The following CAGE1 variants were observed in gnomAD, a reference collection of about 807,000 sequenced individuals.
The protein encoded by CAGE1 is cancer antigen 1.
A neutral mutation model predicts 94.9 loss-of-function variants in CAGE1; 66 were observed. The observed-to-expected ratio is 0.70, with a 90% CI of 0.57 to 0.85. The LOEUF is 0.85. Ranked by LOEUF, CAGE1 falls within the 40% of genes least tolerant of loss-of-function variation. CAGE1 has a pLI of 0.00. For missense variants in CAGE1, 865 were observed against 950.4 expected, an observed-to-expected ratio of 0.91 and a Z score of 1.18; for synonymous variants, 319 against 321.0, an observed-to-expected ratio of 0.99 and a Z score of 0.07.
intron 12 of CAGE1, among the ~76,000 whole-genome samples, chr6:7,333,437 G>A (rs1184024658): frequency 6.6e-6 from 1 of 151,948 alleles, no homozygotes; most frequent in Non-Finnish European, 1.5e-5. Context: ...AATCTTTATA[G>A]TTTCTTCCTT....
chr6:7,382,590 C>T (rs1265404707), intron 3 of CAGE1, among the ~76,000 whole-genome samples: 2 of 150,890 alleles, frequency 1.3e-5, no homozygotes, highest in Admixed American at 1.3e-4. Context: ...TATGAGCTAC[C>T]GTGCCCAGCC....
chr6:7,359,087 C>T lies in CAGE1; in HGVS notation c.2194-2958G>A, dbSNP rs577446083. Reference sequence around the variant, plus strand: ...TTGAAACGGAGTTTCGCTCTTGTTGCCCAGGCTGGAGTGCAATGGCACAAT... The same window carrying T: ...TTGAAACGGAGTTTCGCTCTTGTTGTCCAGGCTGGAGTGCAATGGCACAAT... On this transcript the variant is annotated intron_variant, in intron 9 of 13. Transcript: ENST00000502583. Among the ~76,000 whole-genome samples the T allele has an allele frequency of 2.0e-5, 3 of 151,934 alleles. No homozygotes were observed. The East Asian group carries it at 5.8e-4, about 29-fold the overall frequency.
chr6:7,330,432 A>T (rs984394704), intron 12 of CAGE1, among the ~76,000 whole-genome samples: 2 of 152,204 alleles, frequency 1.3e-5, no homozygotes, highest in Non-Finnish European at 2.9e-5. Flanking sequence ...GCACACTCTC[A>T]CTACATTTAA....
At chr6:7,385,171 A>G (rs1336894540) in intron 3 of CAGE1, among the ~76,000 whole-genome samples, 1 of 150,836 alleles carries the variant, frequency 6.6e-6, no homozygotes, top group Non-Finnish European at 1.5e-5. Context: ...ACACTCAGCT[A>G]ATTTTGTATT....
chr6:7,347,363 C>T (rs939934703), intron 11 of CAGE1: 6 of 152,198 alleles, frequency 3.9e-5, no homozygotes, highest in African/African-American at 1.2e-4. Context: ...GAGAAGTTTC[C>T]GACCTTACCT....
At chr6:7,357,525 A>T (rs147721513) in intron 9 of CAGE1, among the ~76,000 whole-genome samples, 1 of 152,162 alleles carries the variant, frequency 6.6e-6, no homozygotes, top group Non-Finnish European at 1.5e-5. Context: ...AACCCTTTTA[A>T]GTCTGCAGAT....
intron 9 of CAGE1, among the ~76,000 whole-genome samples, chr6:7,358,054 ATATATATATATATATATG>A (rs1760034914): frequency 8.1e-6 from 1 of 123,036 alleles, no homozygotes; most frequent in Non-Finnish European, 1.7e-5. Flanking sequence ...ATATATATAT[ATATATATATATATATATG>A]CCTCCAAAAC....
intron 11 of CAGE1, among the ~76,000 whole-genome samples, chr6:7,345,897 C>T (rs1759499539): frequency 1.3e-5 from 2 of 152,214 alleles, no homozygotes; most frequent in South Asian, 2.1e-4. Flanking sequence ...TGCACTCCAG[C>T]CTGGGTGACA....
intron 12 of CAGE1, among the ~76,000 whole-genome samples, chr6:7,330,179 G>T (rs1758698017): frequency 6.6e-6 from 1 of 152,148 alleles, no homozygotes; most frequent in East Asian, 1.9e-4. Flanking sequence ...CTTGAGGTCA[G>T]GAGTTCAAGA....
chr6:7,386,740 C>T (rs1761134286), intron 2 of CAGE1, among the ~76,000 whole-genome samples: 2 of 152,210 alleles, frequency 1.3e-5, no homozygotes, highest in Admixed American at 1.3e-4. Flanking sequence ...GTGCTCGCTT[C>T]CATGCCTGGC....
At chr6:7,355,822 C>T (rs755825420) in intron 10 of CAGE1, among the ~76,000 whole-genome samples, 7 of 152,010 alleles carry the variant, frequency 4.6e-5, no homozygotes, top group Non-Finnish European at 1.0e-4. Flanking sequence ...TGCAACATAG[C>T]GAGACCATGT....
At chr6:7,363,972 C>T (rs993176331) in intron 9 of CAGE1, among the ~76,000 whole-genome samples, 22 of 152,186 alleles carry the variant, frequency 1.4e-4, no homozygotes, top group African/African-American at 5.1e-4. Context: ...TATTTGGATA[C>T]TCTGAGATAG....
intron 12 of CAGE1, among the ~76,000 whole-genome samples, chr6:7,332,366 G>A (rs1046982005): frequency 5.3e-5 from 8 of 152,142 alleles, no homozygotes; most frequent in Admixed American, 2.6e-4. Flanking sequence ...GTGATCACTC[G>A]ATACTCTATC....
intron 7 of CAGE1, 132 bp downstream of exon 7, chr6:7,368,556 C>G: frequency 1.9e-6 from 1 of 523,318 alleles, no homozygotes; most frequent in African/African-American, 2.0e-5. Flanking sequence ...GTGAGGGGCA[C>G]AGTAAAACTA....
chr6:7,354,162 ATAT>A (rs1206569555), intron 11 of CAGE1, among the ~76,000 whole-genome samples: 1 of 152,182 alleles, frequency 6.6e-6, no homozygotes, highest in Admixed American at 6.6e-5. Context: ...TGATAGTTTG[ATAT>A]TATTTTTAAA....
intron 9 of CAGE1, among the ~76,000 whole-genome samples, chr6:7,359,488 A>G (rs761887657): frequency 2.6e-4 from 39 of 152,196 alleles, no homozygotes; most frequent in Non-Finnish European, 3.2e-4. Context: ...ACTGCCTTGA[A>G]GATGTAGGCT....
chr6:7,339,101 C>T lies in CAGE1; in HGVS notation c.2370-5011G>A. On this transcript the variant is annotated intron_variant, in intron 11 of 13. Transcript: ENST00000502583. This position sits in a 1 kb window ranked among gnomAD's most constrained non-coding sequence, Gnocchi z 4.7. Reference sequence around the variant, plus strand: ...TAACAGGGTCTCTGCTGTGGATCATCAGGCCGTCCACAAACTTCATGGATT... The same window carrying T: ...TAACAGGGTCTCTGCTGTGGATCATTAGGCCGTCCACAAACTTCATGGATT... 1 of 1,590,660 alleles carries T rather than the reference C, an allele frequency of 6.3e-7. No individual in the cohort carries two copies. The highest frequency in any genetic ancestry group is 1.1e-5 in the South Asian group (1 of 90,514).
chr6:7,339,932 C>T lies in CAGE1; in HGVS notation c.2370-5842G>A, dbSNP rs1759104217. 6.6e-6 allele frequency among the ~76,000 whole-genome samples: 1 copy of T among 152,196 alleles called. No individual in the cohort carries two copies. ...TGACTTCTTGTCCTCTGGGTAGATA[C>T]CCAGTAGTGGGATTTCTGGATCAAA... On this transcript the variant is annotated intron_variant, in intron 11 of 13. Transcript: ENST00000502583. This position sits in a 1 kb window ranked among gnomAD's most constrained non-coding sequence, Gnocchi z 4.7.
intron 11 of CAGE1, among the ~76,000 whole-genome samples, 185 bp downstream of exon 11, chr6:7,354,856 G>T (rs905379955): frequency 6.6e-6 from 1 of 152,084 alleles, no homozygotes; most frequent in African/African-American, 2.4e-5. Flanking sequence ...TGAAAATCTG[G>T]TTGCTTAACT....
Sources: allele counts gnomAD v4.1 joint callset (sites outside exome capture counted in the v4.1 genomes callset), GRCh38; gene constraint gnomAD v4.1.1; non-coding constraint Gnocchi (gnomAD v3.1); transcripts MANE v1.5; gene names NCBI Gene and HGNC (gene_info 2026-07-23, HGNC 2026-07-21).